The following IMMP2L variants were observed in gnomAD, a reference collection of about 807,000 sequenced individuals.
The protein encoded by IMMP2L is inner mitochondrial membrane peptidase subunit 2.
Under a neutral mutation model 19.3 loss-of-function variants are expected in IMMP2L, and 18 were observed. That is an observed-to-expected ratio of 0.93 (90% confidence interval 0.64 to 1.38). The LOEUF is 1.38. Ranked by LOEUF, IMMP2L falls within the 40% of genes most tolerant of loss-of-function variation. The pLI, the probability that IMMP2L is intolerant of heterozygous loss-of-function variation, is 0.00. For synonymous variants in IMMP2L, 76 were observed against 73.0 expected, an observed-to-expected ratio of 1.04 and a Z score of -0.21; for missense variants, 233 against 218.2, an observed-to-expected ratio of 1.07 and a Z score of -0.43.
chr7:110,877,799 G>A lies in IMMP2L; in HGVS notation c.408+8794C>T, dbSNP rs923245108. ...AATCAAGATCTGGCATTCAGCACTAGCAAAGTGTGACATTCTAACTCTGAT... is the reference window on the plus strand; with the variant it reads ...AATCAAGATCTGGCATTCAGCACTAACAAAGTGTGACATTCTAACTCTGAT... On this transcript the variant is annotated intron_variant, in intron 5 of 5. Transcript: ENST00000405709. This position sits in a 1 kb window ranked among gnomAD's most constrained non-coding sequence, Gnocchi z 4.0. 6.6e-6 allele frequency among the ~76,000 whole-genome samples: 1 copy of A among 152,060 alleles called. No homozygotes were observed.
chr7:110,818,567 G>A (rs1366687733), intron 5 of IMMP2L, among the ~76,000 whole-genome samples: 1 of 152,098 alleles, frequency 6.6e-6, no homozygotes, highest in Admixed American at 6.5e-5. Flanking sequence ...GATTCCTCAG[G>A]GATCTAGAAC....
At chr7:110,989,920 A>T (rs890735413) in intron 3 of IMMP2L, among the ~76,000 whole-genome samples, 1 of 152,104 alleles carries the variant, frequency 6.6e-6, no homozygotes, top group Non-Finnish European at 1.5e-5. Flanking sequence ...AATTCTGAGT[A>T]TTTACTATTA....
intron 1 of IMMP2L, among the ~76,000 whole-genome samples, chr7:111,522,773 C>T (rs771347011): frequency 2.9e-4 from 44 of 151,924 alleles, no homozygotes; most frequent in Non-Finnish European, 5.3e-4. Context: ...TTCTGCAATC[C>T]TATTCTTAGG....
chr7:111,130,581 T>C (rs1002268616), intron 3 of IMMP2L, among the ~76,000 whole-genome samples: 1 of 152,108 alleles, frequency 6.6e-6, no homozygotes, highest in Admixed American at 6.6e-5. Context: ...CTGGAACAAA[T>C]AATGGAGTGA....
intron 1 of IMMP2L, among the ~76,000 whole-genome samples, chr7:111,526,179 C>T (rs1846831328): frequency 6.6e-6 from 1 of 152,142 alleles, no homozygotes; most frequent in African/African-American, 2.4e-5. Flanking sequence ...TATCAAGCAG[C>T]AATGCTAAGT....
At chr7:111,009,164 C>T (rs192428056) in intron 3 of IMMP2L, among the ~76,000 whole-genome samples, 2 of 151,988 alleles carry the variant, frequency 1.3e-5, no homozygotes, top group Non-Finnish European at 2.9e-5. Context: ...TCTCTAAAAG[C>T]GATTTAAAAA....
At chr7:111,193,270 G>A (rs1405007285) in intron 3 of IMMP2L, among the ~76,000 whole-genome samples, 1 of 152,134 alleles carries the variant, frequency 6.6e-6, no homozygotes, top group Non-Finnish European at 1.5e-5. Flanking sequence ...AGGAAGCAGG[G>A]AATAACAGAA....
chr7:111,183,779 A>G (rs74912413), intron 3 of IMMP2L, among the ~76,000 whole-genome samples: 1 of 152,142 alleles, frequency 6.6e-6, no homozygotes, highest in Non-Finnish European at 1.5e-5. Flanking sequence ...AAATGCCTCA[A>G]TCAAGAAACT....
intron 3 of IMMP2L, among the ~76,000 whole-genome samples, chr7:111,449,071 T>A (rs1838848342): frequency 6.6e-6 from 1 of 151,030 alleles, no homozygotes; most frequent in Non-Finnish European, 1.5e-5. Flanking sequence ...TAATCAATAG[T>A]TTACCAACCA....
At chr7:110,821,660 C>T (rs1264635684) in intron 5 of IMMP2L, among the ~76,000 whole-genome samples, 2 of 151,988 alleles carry the variant, frequency 1.3e-5, no homozygotes, top group Non-Finnish European at 2.9e-5. Flanking sequence ...CATCCATAAT[C>T]CCAGCACTTT....
intron 3 of IMMP2L, among the ~76,000 whole-genome samples, chr7:111,283,393 A>G (rs569544778): frequency 3.0e-4 from 46 of 152,312 alleles, no homozygotes; most frequent in Non-Finnish European, 5.9e-4. Flanking sequence ...ACATTTAGGC[A>G]GGTCTTGAAA....
At chr7:110,938,383 A>G (rs1471271299) in intron 4 of IMMP2L, among the ~76,000 whole-genome samples, 1 of 152,192 alleles carries the variant, frequency 6.6e-6, no homozygotes, top group Middle Eastern at 3.2e-3. Flanking sequence ...ATAAAAGTAG[A>G]GCTGAGGCCT....
At chr7:111,416,054 G>T (rs10276400) in intron 3 of IMMP2L, among the ~76,000 whole-genome samples, 4,422 of 151,716 alleles carry the variant, frequency 0.029, 342 homozygotes, top group African/African-American at 0.1. Context: ...GTTAATCTGA[G>T]CATTCTAAAT....
intron 4 of IMMP2L, among the ~76,000 whole-genome samples, chr7:110,914,137 C>T (rs1025946721): frequency 3.9e-5 from 6 of 152,156 alleles, no homozygotes. Flanking sequence ...TCTTGGTAGC[C>T]ATTGCTTTGA....
chr7:111,518,591 T>G (rs886146012), intron 2 of IMMP2L, among the ~76,000 whole-genome samples: 6 of 152,080 alleles, frequency 3.9e-5, no homozygotes, highest in Non-Finnish European at 5.9e-5. Context: ...TGTCAAAAAT[T>G]CTGTTGAACC....
intron 3 of IMMP2L, among the ~76,000 whole-genome samples, chr7:111,138,004 T>A (rs1376700920): frequency 6.6e-6 from 1 of 152,036 alleles, no homozygotes; most frequent in African/African-American, 2.4e-5. Flanking sequence ...TTTGTGGGGT[T>A]TTTTTTGTAC....
At chr7:111,252,129 A>G (rs1816205418) in intron 3 of IMMP2L, among the ~76,000 whole-genome samples, 1 of 151,932 alleles carries the variant, frequency 6.6e-6, no homozygotes, top group South Asian at 2.1e-4. Context: ...GTCATTTGGG[A>G]GCATAAAAAA....
chr7:111,225,812 T>C (rs898381848), intron 3 of IMMP2L, among the ~76,000 whole-genome samples: 5 of 152,118 alleles, frequency 3.3e-5, no homozygotes, highest in African/African-American at 4.8e-5. Flanking sequence ...ATATTCTGAC[T>C]TGCATGTTGT....
In IMMP2L at chr7:110,865,848, A is replaced by AC. The variant is rs552097189; in HGVS notation, c.408+20744_408+20745insG. On this transcript the variant is annotated intron_variant, in intron 5 of 5. Coordinates refer to ENST00000405709, the MANE Select transcript of IMMP2L (RefSeq NM_032549.4). ...AACCCTACCTTTATTCTCCAAACTA[A>AC]TTTTTTTTTTTTGAGGAGAACATGG... Among the ~76,000 whole-genome samples, 12 of 147,244 alleles carry AC rather than the reference A, an allele frequency of 8.1e-5. No individual in the cohort carries two copies. In the East Asian group the frequency reaches 1.8e-3, roughly 22 times the overall value.
Sources: gnomAD v4.1 joint callset for allele counts (sites outside exome capture counted in the v4.1 genomes callset) on GRCh38, gnomAD v4.1.1 for gene constraint, Gnocchi (gnomAD v3.1) non-coding constraint, MANE v1.5 for transcripts, NCBI Gene and HGNC (gene_info 2026-07-23, HGNC 2026-07-21) for gene names.